IMMP2L: variants seen among roughly 807,000 people sequenced by gnomAD.
IMMP2L encodes inner mitochondrial membrane peptidase subunit 2.
Under a neutral mutation model 19.3 loss-of-function variants are expected in IMMP2L, and 18 were observed. That is an observed-to-expected ratio of 0.93 (90% CI 0.64 to 1.38). The LOEUF (loss-of-function observed/expected upper bound fraction) is 1.38. IMMP2L is among the 40% of genes most tolerant of loss of function. The pLI, the probability that IMMP2L is intolerant of heterozygous loss-of-function variation, is 0.00. For missense variants in IMMP2L, 233 were observed against 218.2 expected, an observed-to-expected ratio of 1.07 and a Z score of -0.43; for synonymous variants, 76 against 73.0, an observed-to-expected ratio of 1.04 and a Z score of -0.21.
intron 5 of IMMP2L, among the ~76,000 whole-genome samples, chr7:110,824,942 C>T (rs1035895784): frequency 1.9e-4 from 29 of 152,178 alleles, no homozygotes; most frequent in African/African-American, 6.5e-4. Flanking sequence ...TAGAAAACGC[C>T]ATCATCTCAG....
At chr7:110,887,148 C>T (rs1376060630) in intron 4 of IMMP2L, among the ~76,000 whole-genome samples, 3 of 152,020 alleles carry the variant, frequency 2.0e-5, no homozygotes, top group East Asian at 1.9e-4. Flanking sequence ...CTTTTCATAA[C>T]CTCTTAATAC....
chr7:111,453,149 G>A (rs1839371876), intron 3 of IMMP2L, among the ~76,000 whole-genome samples: 1 of 152,138 alleles, frequency 6.6e-6, no homozygotes, highest in Non-Finnish European at 1.5e-5. Flanking sequence ...ACAACTGGAA[G>A]TAATCTGTGC....
intron 4 of IMMP2L, among the ~76,000 whole-genome samples, chr7:110,952,835 T>C (rs993668845): frequency 6.6e-6 from 1 of 152,152 alleles, no homozygotes; most frequent in African/African-American, 2.4e-5. Context: ...GTGAGTTTAA[T>C]ATAAAAAATA....
chr7:110,778,588 G>A (rs919401889), intron 5 of IMMP2L, among the ~76,000 whole-genome samples: 1 of 151,934 alleles, frequency 6.6e-6, no homozygotes, highest in Non-Finnish European at 1.5e-5. Flanking sequence ...ATTTCAGAAA[G>A]CTCTAGGACA....
At chr7:111,386,583 G>A (rs1305560667) in intron 3 of IMMP2L, among the ~76,000 whole-genome samples, 1 of 152,110 alleles carries the variant, frequency 6.6e-6, no homozygotes, top group African/African-American at 2.4e-5. Context: ...GACAGAGAGA[G>A]GGAATGGATA....
intron 3 of IMMP2L, among the ~76,000 whole-genome samples, chr7:111,374,446 C>A (rs555406400): frequency 2.0e-5 from 3 of 152,062 alleles, no homozygotes; most frequent in South Asian, 2.1e-4. Context: ...AGGAAAAAAA[C>A]CAAAATTAGG....
chr7:111,149,388 C>T (rs914103992), intron 3 of IMMP2L, among the ~76,000 whole-genome samples: 2 of 152,112 alleles, frequency 1.3e-5, no homozygotes, highest in Non-Finnish European at 2.9e-5. Flanking sequence ...CCTTGAACAA[C>T]GTGGGGTTTA....
chr7:110,898,405 G>C lies in IMMP2L; in HGVS notation c.306-11710C>G, dbSNP rs981624001. Reference sequence around the variant, plus strand: ...TCATGGAAATATCCTTCATTTTGCCGTTGCTAAGGGCCCTCAACTGGCTGC... The same window carrying C: ...TCATGGAAATATCCTTCATTTTGCCCTTGCTAAGGGCCCTCAACTGGCTGC... On this transcript the variant is annotated intron_variant, in intron 4 of 5. Coordinates refer to ENST00000405709, the MANE Select transcript of IMMP2L (RefSeq NM_032549.4). Among the ~76,000 whole-genome samples the C allele has an allele frequency of 3.3e-5, 5 of 152,042 alleles. No individual in the cohort carries two copies. The East Asian group carries it at 9.6e-4, about 29-fold the overall frequency.
intron 1 of IMMP2L, among the ~76,000 whole-genome samples, chr7:111,526,846 T>C (rs915784473): frequency 6.6e-6 from 1 of 152,160 alleles, no homozygotes; most frequent in Non-Finnish European, 1.5e-5. Context: ...TGAGGATACC[T>C]GCAGGACAGA....
intron 3 of IMMP2L, among the ~76,000 whole-genome samples, chr7:111,099,498 T>C (rs1229059314): frequency 2.6e-5 from 4 of 151,716 alleles, no homozygotes; most frequent in African/African-American, 9.7e-5. Flanking sequence ...GCGTTCTATA[T>C]TAGCTGTTTG....
At chr7:110,768,663 C>T (rs1013204748) in intron 5 of IMMP2L, among the ~76,000 whole-genome samples, 4 of 152,160 alleles carry the variant, frequency 2.6e-5, no homozygotes, top group Non-Finnish European at 5.9e-5. Context: ...TCCGCTTATC[C>T]TATGGACCTC....
intron 3 of IMMP2L, among the ~76,000 whole-genome samples, chr7:111,265,527 G>A (rs1431013710): frequency 1.3e-5 from 2 of 152,084 alleles, no homozygotes; most frequent in Non-Finnish European, 2.9e-5. Context: ...CAAGGACAAA[G>A]GAATCAGAAA....
chr7:111,406,846 C>T (rs1833940187), intron 3 of IMMP2L, among the ~76,000 whole-genome samples: 1 of 151,954 alleles, frequency 6.6e-6, no homozygotes, highest in Non-Finnish European at 1.5e-5. Flanking sequence ...GGAACAACAT[C>T]TGAAAGGGAG....
chr7:111,332,125 A>G (rs1250430588), intron 3 of IMMP2L, among the ~76,000 whole-genome samples: 1 of 151,932 alleles, frequency 6.6e-6, no homozygotes, highest in Non-Finnish European at 1.5e-5. Context: ...ATAACAGCCG[A>G]ATAACCAGAT....
chr7:110,714,605 C>CTTGT (rs1343148939), intron 5 of IMMP2L, among the ~76,000 whole-genome samples: 1 of 151,850 alleles, frequency 6.6e-6, no homozygotes, highest in African/African-American at 2.4e-5. Flanking sequence ...TGTTTGTTTG[C>CTTGT]TTGTTTGTTT....
chr7:111,445,977 C>A (rs865804077), intron 3 of IMMP2L, among the ~76,000 whole-genome samples: 1 of 152,004 alleles, frequency 6.6e-6, no homozygotes, highest in Non-Finnish European at 1.5e-5. Context: ...TCACTCCCAC[C>A]CGAATATTGC....
At chr7:111,523,261 A>G (rs1846526622) in intron 1 of IMMP2L, among the ~76,000 whole-genome samples, 1 of 152,038 alleles carries the variant, frequency 6.6e-6, no homozygotes, top group South Asian at 2.1e-4. Flanking sequence ...AAAAATGTAA[A>G]CAGAGTGGAT....
chr7:111,290,227 T>A (rs893413884), intron 3 of IMMP2L, among the ~76,000 whole-genome samples: 1 of 152,224 alleles, frequency 6.6e-6, no homozygotes, highest in African/African-American at 2.4e-5. Flanking sequence ...TTAGGTATCA[T>A]GTGCATTAAG....
At chr7:111,053,045 A>C (rs1793143659) in intron 3 of IMMP2L, among the ~76,000 whole-genome samples, 1 of 152,228 alleles carries the variant, frequency 6.6e-6, no homozygotes, top group Non-Finnish European at 1.5e-5. Context: ...CCTTCTCAGA[A>C]GAATGAATTT....
Sources: gnomAD v4.1 joint callset for allele counts (sites outside exome capture counted in the v4.1 genomes callset) on GRCh38, gnomAD v4.1.1 for gene constraint, MANE v1.5 for transcripts, NCBI Gene and HGNC (gene_info 2026-07-23, HGNC 2026-07-21) for gene names.